The following DNAH1 variants were observed in gnomAD, a reference collection of about 807,000 sequenced individuals.
DNAH1 encodes dynein axonemal heavy chain 1.
DNAH1 carries 327 observed loss-of-function variants against 484.3 expected under a neutral mutation model. That is an observed-to-expected ratio of 0.68 (90% CI 0.62 to 0.74). The LOEUF (loss-of-function observed/expected upper bound fraction) is 0.74, where lower values mean the gene tolerates loss of function less well. DNAH1 is among the 30% of genes least tolerant of loss of function. DNAH1 has a pLI of 0.00. For synonymous variants in DNAH1, 2,192 were observed against 2,191.9 expected (o/e 1.00, Z 0.00); for missense variants, 5,052 against 5,546.8 (o/e 0.91, Z 2.83).
At chr3:52,375,514 A>G in intron 45 of DNAH1, 101 bp downstream of exon 45, 6 of 1,336,902 alleles carry the variant, frequency 4.5e-6, no homozygotes, top group Non-Finnish European at 6.1e-6. Flanking sequence ...TGGAGTGGCC[A>G]AACCATGACC....
intron 18 of DNAH1, 126 bp from the exon 19 acceptor site, chr3:52,352,977 G>C: frequency 9.4e-7 from 1 of 1,065,760 alleles, no homozygotes; most frequent in Non-Finnish European, 1.3e-6. Context: ...GGTGTTTGGG[G>C]GCACGGTCAG....
intron 8 of DNAH1, among the ~76,000 whole-genome samples, chr3:52,333,845 T>C (rs1249317010): frequency 6.6e-6 from 1 of 152,226 alleles, no homozygotes; most frequent in African/African-American, 2.4e-5. Context: ...AGGCTTTGTG[T>C]TACATAATTT....
Position 52,397,736 on chromosome 3 carries a change from A to G in DNAH1, c.11817A>G (p.Pro3939=). 1 of 1,612,830 alleles carries G rather than the reference A, an allele frequency of 6.2e-7. No homozygotes were observed. Among genetic ancestry groups the G allele is most frequent in the South Asian group, 1.1e-5 (1 of 90,946 alleles). Residue 3939 remains proline (P), a synonymous_variant, in exon 74 of 78, where the codon CCA becomes CCG. Coordinates refer to ENST00000420323, the MANE Select transcript of DNAH1 (RefSeq NM_015512.5). ...HGYLSYIKSL[P]LNDMPEIFGL... ...ACCTCTCCTACATCAAGAGCCTCCC[A>G]CTCAATGATATGCCTGAGATCTTTG...
Position 52,317,768 on chromosome 3 carries a change from T to TA in DNAH1, c.-35+1225dup, listed in dbSNP as rs1701000362. The TA allele has an allele frequency of 2.0e-5, 3 of 152,032 alleles. No homozygotes were observed. The South Asian group carries it at 6.3e-4, about 32-fold the overall frequency. The allele number at this position is 152,032 out of a possible 1,614,324, so 9.4% of individuals were successfully genotyped here. On this transcript the variant is annotated intron_variant, in intron 1 of 77. Coordinates refer to ENST00000420323, the MANE Select transcript of DNAH1 (RefSeq NM_015512.5). ...CCGAGACCTGGAGTTGGTGGGTAGG[T>TA]AAGGGTTCAGGCTGGGGAGGTTCGC...
chr3:52,369,021 GC>G, intron 37 of DNAH1, 103 bp downstream of exon 37: 1 of 1,337,916 alleles, frequency 7.5e-7, no homozygotes, highest in East Asian at 2.4e-5. Context: ...TTCTCTCAGG[GC>G]CATGGGTCCA....
At chr3:52,357,574 T>G (rs1288913618) in intron 22 of DNAH1, 40 bp from the exon 23 acceptor site, 2 of 1,584,578 alleles carry the variant, frequency 1.3e-6, no homozygotes, top group South Asian at 1.1e-5. Flanking sequence ...ACCTGGACCA[T>G]GCTCACTGCC....
At chr3:52,390,610 C>G (rs1177332321) in intron 60 of DNAH1, among the ~76,000 whole-genome samples, 1 of 152,108 alleles carries the variant, frequency 6.6e-6, no homozygotes, top group Admixed American at 6.5e-5. Context: ...AGTGAGCACT[C>G]AGTAGGCAAG....
At chr3:52,386,133 G>GGACATCCCTATGTCT in intron 54 of DNAH1, 27 bp from the exon 55 acceptor site, 1 of 1,597,442 alleles carries the variant, frequency 6.3e-7, no homozygotes, top group Non-Finnish European at 8.5e-7. Context: ...AAAGGGGGGA[G>GGACATCCCTATGTCT]GACATCCCTA....
chr3:52,359,943 G>C lies in DNAH1; in HGVS notation c.4435G>C (p.Gly1479Arg), dbSNP rs371500729. The change falls in exon 27 of 78, where the codon GGG (glycine) becomes CGG (arginine). Residue 1479 changes from glycine to arginine, a missense_variant. By Grantham distance (125) the Gly-to-Arg change is moderately radical. Coordinates refer to ENST00000420323, the MANE Select transcript of DNAH1 (RefSeq NM_015512.5). ...CAGTGATCTGGTGGCCCTTGTGCGGGGGAAGCTGTCCCGCATGCAGCGGGC... is the reference window on the plus strand; with the variant it reads ...CAGTGATCTGGTGGCCCTTGTGCGGCGGAAGCTGTCCCGCATGCAGCGGGC... ...QLSDLVALVR[G>R]KLSRMQRAVL... The C allele has an allele frequency of 8.7e-6, 14 of 1,613,850 alleles. No homozygotes were observed. The highest frequency in any genetic ancestry group is 1.7e-5 in the Admixed American group (1 of 60,026).
intron 14 of DNAH1, 133 bp downstream of exon 14, chr3:52,349,553 G>A: frequency 1.2e-6 from 1 of 867,730 alleles, no homozygotes; most frequent in Non-Finnish European, 1.8e-6. Flanking sequence ...GCCAAGGGAA[G>A]GAGCTGGAAA....
At chr3:52,350,635 G>A in intron 16 of DNAH1, 45 bp downstream of exon 16, 1 of 1,571,550 alleles carries the variant, frequency 6.4e-7, no homozygotes, top group Non-Finnish European at 8.7e-7. Context: ...GGTGGAGCAT[G>A]AGGGGAGCTG....
intron 59 of DNAH1, 50 bp downstream of exon 59, chr3:52,388,987 A>T: frequency 6.5e-7 from 1 of 1,530,198 alleles, no homozygotes. Context: ...TCCCAAAGAG[A>T]CCCTTCCCCC....
chr3:52,313,368 A>T (rs1327801993), upstream of DNAH1, among the ~76,000 whole-genome samples: 1 of 152,094 alleles, frequency 6.6e-6, no homozygotes, highest in Non-Finnish European at 1.5e-5. Context: ...GAGGCCAGGT[A>T]GATGCCCCTC....
chr3:52,352,741 C>T (rs1702446714), intron 18 of DNAH1, 34 bp downstream of exon 18: 1 of 1,593,578 alleles, frequency 6.3e-7, no homozygotes. Flanking sequence ...CCCCCATGCC[C>T]CCAGGCTTGA....
chr3:52,320,083 G>A (rs1020884111), intron 1 of DNAH1, among the ~76,000 whole-genome samples: 5 of 152,184 alleles, frequency 3.3e-5, no homozygotes, highest in Admixed American at 6.5e-5. Context: ...GGCCCATCTG[G>A]GAGCTGAGGA....
chr3:52,336,279 G>A (rs1701741020), intron 8 of DNAH1, among the ~76,000 whole-genome samples: 1 of 152,288 alleles, frequency 6.6e-6, no homozygotes, highest in East Asian at 1.9e-4. Flanking sequence ...GGCTGGACAA[G>A]ATGGCTGACA....
chr3:52,392,122 G>C (rs1704416430), intron 63 of DNAH1, among the ~76,000 whole-genome samples: 1 of 152,220 alleles, frequency 6.6e-6, no homozygotes, highest in Non-Finnish European at 1.5e-5. Context: ...TCTCCACAAA[G>C]CAGGGGGCAA....
Position 52,361,103 on chromosome 3 carries a change from A to G in DNAH1, c.4686-61A>G. The G allele has an allele frequency of 7.3e-7, 1 of 1,376,488 alleles. No individual in the cohort carries two copies. The highest frequency in any genetic ancestry group is 9.5e-7 in the Non-Finnish European group (1 of 1,057,316). The allele number at this position is 1,376,488 out of a possible 1,614,324, so 85.3% of individuals were successfully genotyped here. On this transcript the variant is annotated intron_variant, in intron 28 of 77. Coordinates refer to ENST00000420323, the MANE Select transcript of DNAH1 (RefSeq NM_015512.5). This position sits in a 1 kb window ranked among gnomAD's most constrained non-coding sequence, Gnocchi z 5.6. ...GAGGCCCCAGTCCACAGGAAATTCC[A>G]AGGAAAGGGGGAGTGTCCAGGCCAT...
chr3:52,353,668 C>T lies in DNAH1; in HGVS notation c.3480+35C>T. ...CACCAGCGGGCCCAGCCACTCCAGC[C>T]AGGCCCTGCCGGACAGCCTGACCTC... is the stretch of plus-strand genomic sequence containing the variant. On this transcript the variant is annotated intron_variant, in intron 20 of 77. Coordinates refer to ENST00000420323, the MANE Select transcript of DNAH1 (RefSeq NM_015512.5). This position sits in a 1 kb window ranked among gnomAD's most constrained non-coding sequence, Gnocchi z 5.0. 6.4e-7 allele frequency: 1 copy of T among 1,558,500 alleles called. No individual in the cohort carries two copies. Among genetic ancestry groups the T allele is most frequent in the Non-Finnish European group, 8.7e-7 (1 of 1,153,332 alleles).
Sources: allele counts gnomAD v4.1 joint callset (sites outside exome capture counted in the v4.1 genomes callset), GRCh38; gene constraint gnomAD v4.1.1; non-coding constraint Gnocchi (gnomAD v3.1); transcripts MANE v1.5; gene names NCBI Gene and HGNC (gene_info 2026-07-23, HGNC 2026-07-21).